The following CRYBG1 variants were observed in gnomAD, a reference collection of about 807,000 sequenced individuals.
CRYBG1 encodes beta/gamma crystallin domain-containing protein 1.
A neutral mutation model predicts 189.2 loss-of-function variants in CRYBG1; 139 were observed. The ratio of observed to expected loss-of-function variants is 0.73; its 90% CI spans 0.64 to 0.85. The LOEUF is 0.85. Ranked by LOEUF, CRYBG1 falls within the 40% of genes least tolerant of loss-of-function variation. CRYBG1 has a pLI of 0.00. For synonymous variants in CRYBG1, 1,023 were observed against 1,017.1 expected, an observed-to-expected ratio of 1.01 and a Z score of -0.11; for missense variants, 2,611 against 2,675.8, an observed-to-expected ratio of 0.98 and a Z score of 0.53.
At chr6:106,438,539 C>T (rs1014892166) in intron 1 of CRYBG1, among the ~76,000 whole-genome samples, 5 of 152,148 alleles carry the variant, frequency 3.3e-5, no homozygotes, top group Non-Finnish European at 5.9e-5. Context: ...CTTCCCACTG[C>T]GTCACTCCAG....
At chr6:106,551,519 C>G (rs1178967094) in intron 13 of CRYBG1, among the ~76,000 whole-genome samples, 1 of 152,128 alleles carries the variant, frequency 6.6e-6, no homozygotes, top group Non-Finnish European at 1.5e-5. Context: ...TTCGTTTTCC[C>G]CTGGGTATAT....
chr6:106,517,399 TATAC>T (rs59582193), intron 3 of CRYBG1, among the ~76,000 whole-genome samples: 29,445 of 139,234 alleles, frequency 0.21, 3,531 homozygotes, highest in Non-Finnish European at 0.26. Flanking sequence ...CATATATATA[TATAC>T]ACACACACAT....
rs1773255538 is a variant in CRYBG1, at chr6:106,511,500, C to T, written c.383C>T (p.Ala128Val). The T allele has an allele frequency of 1.3e-6, 2 of 1,535,472 alleles. No homozygotes were observed. The highest frequency in any genetic ancestry group is 1.7e-6 in the Non-Finnish European group (2 of 1,146,474). ...GGGAAACTTGGCACTCTATTCACTGCAGGAAGGAGAAGAAACAGTAGAAAC... is the reference window on the plus strand; with the variant it reads ...GGGAAACTTGGCACTCTATTCACTGTAGGAAGGAGAAGAAACAGTAGAAAC... ...VLGKLGTLFT[A>V]GRRRNSRNGL... Residue 128 changes from alanine to valine, a missense_variant, in exon 3 of 22, where the codon GCA becomes GTA. By Grantham distance (64) the Ala-to-Val change is moderately conservative. Transcript: ENST00000633556.
intron 1 of CRYBG1, among the ~76,000 whole-genome samples, chr6:106,416,253 T>C (rs1464038258): frequency 6.6e-6 from 1 of 152,208 alleles, no homozygotes; most frequent in African/African-American, 2.4e-5. Context: ...CCAGAGTCCA[T>C]AGCGTGATGA....
rs1315131699 is a variant in CRYBG1, at chr6:106,451,704, G to A, written c.184G>A (p.Val62Ile). 7.8e-6 allele frequency: 12 copies of A among 1,533,296 alleles called. No homozygotes were observed. Among genetic ancestry groups the A allele is most frequent in the Non-Finnish European group, 1.0e-5 (12 of 1,145,602 alleles). 95.0% of individuals were successfully genotyped at this position (1,533,296 alleles called of 1,614,324 possible). A position where few individuals can be genotyped will look rare whatever the true frequency, so the allele number is the denominator to read the frequency against. ...TTCCGTTCTTTGCAGAGCTTTGGAT[G>A]TAGTCGATGGAAAATATGTGGTTCG... ...APAGEARALD[V>I]VDGKYVVRDS... Residue 62 changes from valine (V) to isoleucine (I), a missense_variant, in exon 2 of 22, where the codon GTA becomes ATA. Around this residue, in one of 3 missense-constraint regions of CRYBG1, gnomAD observed 985 missense variants for 924.4 expected, o/e 1.07. Coordinates refer to ENST00000633556, the MANE Select transcript of CRYBG1 (RefSeq NM_001371242.2).
chr6:106,512,728 C>T lies in CRYBG1; in HGVS notation c.1611C>T (p.Ala537=). ...CCGCCAGCGGCCCCCGGGCTCCCGC[C>T]AAGGAGTCCCCACCCAAGAGGGTGC... is the stretch of plus-strand genomic sequence containing the variant. ...APPASGPRAP[A]KESPPKRVPD... Residue 537 remains alanine (A), a synonymous_variant, in exon 3 of 22, where the codon GCC becomes GCT. Coordinates refer to ENST00000633556, the MANE Select transcript of CRYBG1 (RefSeq NM_001371242.2). 6.4e-7 allele frequency: 1 copy of T among 1,562,020 alleles called. No homozygotes were observed. The highest frequency in any genetic ancestry group is 8.7e-7 in the Non-Finnish European group (1 of 1,153,890).
intron 1 of CRYBG1, among the ~76,000 whole-genome samples, chr6:106,429,854 C>T (rs1243848963): frequency 6.6e-6 from 1 of 152,184 alleles, no homozygotes; most frequent in Non-Finnish European, 1.5e-5. Flanking sequence ...GTAGCAATCA[C>T]TGGATAAAAT....
rs1771158781 is a variant in CRYBG1 at position 106,423,074 on chromosome 6, TTAC to T, written c.174-28618_174-28616del. Reference sequence around the variant, plus strand: ...TTGGTAATTTGCTATCTTGATGTAGTTACTTCTTGGTGTTATGGAAAGAATCCA... The same window carrying T: ...TTGGTAATTTGCTATCTTGATGTAGTTTCTTGGTGTTATGGAAAGAATCCA... On this transcript the variant is annotated intron_variant, in intron 1 of 21. Transcript: ENST00000633556. Among the ~76,000 whole-genome samples, 2 of 152,290 alleles carry T rather than the reference TTAC, an allele frequency of 1.3e-5. 1 individual carries two copies. Among genetic ancestry groups the T allele is most frequent in the East Asian group, 3.9e-4 (2 of 5,190 alleles).
At chr6:106,463,980 C>T (rs565975624) in intron 2 of CRYBG1, among the ~76,000 whole-genome samples, 1 of 152,158 alleles carries the variant, frequency 6.6e-6, no homozygotes, top group East Asian at 1.9e-4. Flanking sequence ...AAGAAAATCC[C>T]CAGAAAAACA....
At chr6:106,479,684 G>A (rs75019472) in intron 2 of CRYBG1, among the ~76,000 whole-genome samples, 26,006 of 152,126 alleles carry the variant, frequency 0.17, 2,898 homozygotes, top group East Asian at 0.39. Context: ...GGGATATTGA[G>A]CATCTTTTTA....
At chr6:106,555,183 GA>G (rs1365339024) in intron 16 of CRYBG1, among the ~76,000 whole-genome samples, 1 of 33,956 alleles carries the variant, frequency 2.9e-5, no homozygotes, top group Admixed American at 3.5e-4. Context: ...CAAAAGAAAA[GA>G]AAAAAAGGAA....
intron 1 of CRYBG1, among the ~76,000 whole-genome samples, chr6:106,400,136 CAAAAAA>C (rs11286627): frequency 1.3e-5 from 1 of 76,392 alleles, no homozygotes; most frequent in Non-Finnish European, 2.6e-5. Context: ...GACTCCATCT[CAAAAAA>C]AAAAAAAAAA....
intron 2 of CRYBG1, among the ~76,000 whole-genome samples, chr6:106,459,017 A>G (rs1362241211): frequency 1.3e-5 from 2 of 152,234 alleles, no homozygotes; most frequent in East Asian, 1.9e-4. Flanking sequence ...ATGGCACACT[A>G]TATCTCATAA....
chr6:106,370,098 A>G lies in CRYBG1; in HGVS notation c.173+9017A>G, dbSNP rs896213052. ...GATAAATTAAGTTTTGGTACTAGAC[A>G]ATTTCTACGTTAAATAGTGGAAAGA... On this transcript the variant is annotated intron_variant, in intron 1 of 21. Transcript: ENST00000633556. Among the ~76,000 whole-genome samples, 13 of 152,390 alleles carry G rather than the reference A, an allele frequency of 8.5e-5. No individual in the cohort carries two copies. The East Asian group carries it at 2.5e-3, about 29-fold the overall frequency.
At chr6:106,547,865 G>A (rs957378046) in intron 13 of CRYBG1, among the ~76,000 whole-genome samples, 4 of 152,124 alleles carry the variant, frequency 2.6e-5, no homozygotes, top group South Asian at 2.1e-4. Flanking sequence ...TGGAAATGTC[G>A]AAAGAAACTC....
chr6:106,451,763 A>G lies in CRYBG1; in HGVS notation c.243A>G (p.Glu81=). 1.3e-6 allele frequency: 2 copies of G among 1,534,912 alleles called. No individual in the cohort carries two copies. The highest frequency in any genetic ancestry group is 1.7e-6 in the Non-Finnish European group (2 of 1,146,398). Residue 81 remains glutamate, a synonymous_variant, in exon 2 of 22, where the codon GAA becomes GAG. Transcript: ENST00000633556. The stretch of plus-strand genomic sequence containing the variant: ...AGGAATTTCCACTGCACTGTGGGGA[A>G]TCCCAGTTCTTCCACACCACCAGTG... ...DSQEFPLHCG[E]SQFFHTTSEA... is the part of the protein sequence containing the mutation.
chr6:106,536,378 A>G (rs956217828), intron 8 of CRYBG1, among the ~76,000 whole-genome samples: 1 of 152,204 alleles, frequency 6.6e-6, no homozygotes, highest in Non-Finnish European at 1.5e-5. Flanking sequence ...TTTCCATTGT[A>G]AAGGTTCATT....
At chr6:106,533,334 G>A (rs1051011807) in intron 8 of CRYBG1, among the ~76,000 whole-genome samples, 11 of 152,238 alleles carry the variant, frequency 7.2e-5, no homozygotes, top group Non-Finnish European at 1.5e-4. Flanking sequence ...AGTGAAGTAG[G>A]AGGATAGGGA....
chr6:106,479,043 C>T (rs576955889), intron 2 of CRYBG1, among the ~76,000 whole-genome samples: 25 of 152,314 alleles, frequency 1.6e-4, no homozygotes, highest in South Asian at 6.2e-4. Context: ...CAAGGTTCTT[C>T]CATGTTGTAG....
Sources: allele counts gnomAD v4.1 joint callset (sites outside exome capture counted in the v4.1 genomes callset), GRCh38; gene constraint gnomAD v4.1.1; regional missense constraint gnomAD v4.1.1; transcripts MANE v1.5; gene names NCBI Gene and HGNC (gene_info 2026-07-23, HGNC 2026-07-21).